IGSF5: variants seen among roughly 807,000 people sequenced by gnomAD.
IGSF5 encodes the protein immunoglobulin superfamily member 5.
A neutral mutation model predicts 39.4 loss-of-function variants in IGSF5; 41 were observed. The observed-to-expected ratio is 1.04, with a 90% confidence interval of 0.81 to 1.35. The LOEUF is 1.35. Ranked by LOEUF, IGSF5 falls within the 40% of genes most tolerant of loss-of-function variation. IGSF5 has a pLI of 0.00. For missense variants in IGSF5, 487 were observed against 494.6 expected, an observed-to-expected ratio of 0.98 and a Z score of 0.15; for synonymous variants, 183 against 175.3, an observed-to-expected ratio of 1.04 and a Z score of -0.34.
chr21:39,766,057 C>T (rs910403665), intron 3 of IGSF5, among the ~76,000 whole-genome samples: 2 of 152,184 alleles, frequency 1.3e-5, no homozygotes, highest in South Asian at 4.1e-4. Flanking sequence ...CTCACTTCTT[C>T]TTCCCTTCTC....
chr21:39,788,289 A>G, intron 6 of IGSF5, 101 bp downstream of exon 6: 2 of 866,688 alleles, frequency 2.3e-6, no homozygotes, highest in South Asian at 3.1e-5. Flanking sequence ...GGATTTTTGG[A>G]TTTATGTTAT....
chr21:39,773,539 C>T (rs1187736933), intron 4 of IGSF5, among the ~76,000 whole-genome samples: 1 of 147,692 alleles, frequency 6.8e-6, no homozygotes, highest in Non-Finnish European at 1.5e-5. Context: ...CTAATCTATT[C>T]CTGTCATTTT....
upstream of IGSF5, among the ~76,000 whole-genome samples, chr21:39,743,450 A>T (rs1299579019): frequency 6.6e-6 from 1 of 152,228 alleles, no homozygotes; most frequent in Admixed American, 6.5e-5. Context: ...AATTTGCTTT[A>T]AGTCTGAGAG....
At chr21:39,758,378 G>C (rs1384011144) in intron 2 of IGSF5, among the ~76,000 whole-genome samples, 2 of 152,166 alleles carry the variant, frequency 1.3e-5, no homozygotes, top group Non-Finnish European at 2.9e-5. Context: ...ACTGTCCTGG[G>C]AGTCTGCATT....
intron 6 of IGSF5, among the ~76,000 whole-genome samples, chr21:39,789,284 A>G (rs1258052575): frequency 6.6e-6 from 1 of 152,220 alleles, no homozygotes; most frequent in South Asian, 2.1e-4. Context: ...GTAGAGGATA[A>G]CAACAACTAT....
chr21:39,715,100 C>T, the IGSF5 span, among the ~76,000 whole-genome samples: 1 of 151,262 alleles, frequency 6.6e-6, no homozygotes, highest in African/African-American at 2.4e-5. Context: ...TCTCCCTTCC[C>T]TTCTCTTCCT....
intron 6 of IGSF5, among the ~76,000 whole-genome samples, chr21:39,789,007 A>G (rs1471723049): frequency 6.6e-6 from 1 of 152,142 alleles, no homozygotes; most frequent in African/African-American, 2.4e-5. Flanking sequence ...ACCCCTGGCA[A>G]TTGTGAAGTT....
the IGSF5 span, among the ~76,000 whole-genome samples, chr21:39,716,717 A>G: frequency 2.1e-3 from 323 of 152,330 alleles, 2 homozygotes; most frequent in African/African-American, 6.9e-3. Context: ...TATGGTGTAT[A>G]TGTACCACAT....
intron 2 of IGSF5, among the ~76,000 whole-genome samples, chr21:39,749,994 A>G (rs2079996926): frequency 6.6e-6 from 1 of 152,232 alleles, no homozygotes; most frequent in African/African-American, 2.4e-5. Context: ...ACTGTTTTTA[A>G]GGTAAAGATC....
At chr21:39,720,244 G>C in the IGSF5 span, among the ~76,000 whole-genome samples, 26 of 152,296 alleles carry the variant, frequency 1.7e-4, no homozygotes, top group East Asian at 4.8e-3. Context: ...ACTTCTATGA[G>C]AGTCTGATGC....
chr21:39,753,608 G>A (rs4816648), intron 2 of IGSF5, among the ~76,000 whole-genome samples: 124,295 of 152,208 alleles, frequency 0.82, 50,934 homozygotes, highest in Admixed American at 0.86. Context: ...GTTGCTGTCT[G>A]TCTAATATTG....
chr21:39,752,600 T>C (rs1416791681), intron 2 of IGSF5, among the ~76,000 whole-genome samples: 4 of 152,228 alleles, frequency 2.6e-5, no homozygotes, highest in Admixed American at 1.3e-4. Flanking sequence ...CTGTTTTTCA[T>C]AGTGGTTGTA....
intron 8 of IGSF5, among the ~76,000 whole-genome samples, chr21:39,794,342 G>C (rs1186919821): frequency 6.6e-6 from 1 of 152,156 alleles, no homozygotes; most frequent in Admixed American, 6.5e-5. Flanking sequence ...GATGCTGAAG[G>C]TGTAGTTAAA....
At chr21:39,752,345 T>G (rs1165413525) in intron 2 of IGSF5, among the ~76,000 whole-genome samples, 1 of 49,508 alleles carries the variant, frequency 2.0e-5, no homozygotes, top group Non-Finnish European at 5.0e-5. Context: ...GTTATTTTAT[T>G]CCTTTTTTTT....
chr21:39,749,459 C>T (rs2974992), intron 2 of IGSF5, among the ~76,000 whole-genome samples: 107,845 of 152,170 alleles, frequency 0.71, 40,940 homozygotes, highest in Non-Finnish European at 0.84. Flanking sequence ...GTGATCTGCC[C>T]GCCTTGGCCT....
chr21:39,711,880 T>C, the IGSF5 span, among the ~76,000 whole-genome samples: 1 of 152,158 alleles, frequency 6.6e-6, no homozygotes, highest in Non-Finnish European at 1.5e-5. Flanking sequence ...TTTCAGATGG[T>C]GACACCTTTT....
chr21:39,726,435 T>A, the IGSF5 span, among the ~76,000 whole-genome samples: 1 of 152,168 alleles, frequency 6.6e-6, no homozygotes, highest in Non-Finnish European at 1.5e-5. Context: ...CTCTGTCTCA[T>A]GTCGGGGTCC....
chr21:39,778,615 G>C (rs918429990), intron 4 of IGSF5, among the ~76,000 whole-genome samples: 2 of 152,234 alleles, frequency 1.3e-5, no homozygotes, highest in Non-Finnish European at 2.9e-5. Context: ...TCCTTTAGAA[G>C]TGACTGTCCC....
At chr21:39,768,754 GC>G (rs1426848965) in intron 3 of IGSF5, among the ~76,000 whole-genome samples, 2 of 152,176 alleles carry the variant, frequency 1.3e-5, no homozygotes, top group African/African-American at 2.4e-5. Context: ...ATTTACAGTA[GC>G]CCTTGAATTA....
Sources: allele counts gnomAD v4.1 joint callset (sites outside exome capture counted in the v4.1 genomes callset), GRCh38; gene constraint gnomAD v4.1.1; transcripts MANE v1.5; gene names NCBI Gene and HGNC (gene_info 2026-07-23, HGNC 2026-07-21).